The following NFATC1 variants were observed in gnomAD, a reference collection of about 807,000 sequenced individuals.
NFATC1 encodes nuclear factor of activated T cells 1, also known as nuclear factor of activated T-cells, cytoplasmic 1.
A neutral mutation model predicts 76.0 loss-of-function variants in NFATC1; 22 were observed. The ratio of observed to expected loss-of-function variants is 0.29; its 90% CI spans 0.21 to 0.41. The LOEUF is 0.41. NFATC1 is among the 10% of genes least tolerant of loss of function. The pLI is 1.00. For synonymous variants in NFATC1, 704 were observed against 613.1 expected (o/e 1.15, Z -2.19); for missense variants, 1,357 against 1,337.7 (o/e 1.01, Z -0.23).
chr18:79,509,886 G>A (rs575920868), intron 9 of NFATC1, among the ~76,000 whole-genome samples: 27 of 152,302 alleles, frequency 1.8e-4, no homozygotes, highest in Non-Finnish European at 2.9e-4. Context: ...AAGACTTATC[G>A]GAAAGTGTCC....
intron 9 of NFATC1, chr18:79,497,864 C>T (rs552514756): frequency 6.6e-6 from 1 of 152,202 alleles, no homozygotes; most frequent in East Asian, 1.9e-4. Context: ...CCATTAAACT[C>T]TGCTAACCAG....
At position 79,410,739 on chromosome 18, in the gene NFATC1, C is replaced by T. The variant is rs1270862883; in HGVS notation, c.464C>T (p.Ala155Val). The change falls in exon 2 of 10, where the codon GCC becomes GTC. Residue 155 changes from alanine (A) to valine (V), a missense_variant. Transcript: ENST00000427363. This position sits in a 1 kb window ranked among gnomAD's most constrained non-coding sequence, Gnocchi z 6.7. ...LPSSKRSPST[A>V]TLSLPSLEAY... ...AGCTCCAAACGGTCCCCCTCCACGG[C>T]CACGCTGAGTCTGCCCAGCCTGGAG... The T allele has an allele frequency of 2.5e-6, 4 of 1,612,928 alleles. No individual in the cohort carries two copies. The highest frequency in any genetic ancestry group is 3.4e-6 in the Non-Finnish European group (4 of 1,180,008).
intron 1 of NFATC1, among the ~76,000 whole-genome samples, chr18:79,399,554 AGCAGCCCG>A (rs1568906255): frequency 6.6e-6 from 1 of 152,256 alleles, no homozygotes; most frequent in Non-Finnish European, 1.5e-5. Context: ...GCCTCAGCTA[AGCAGCCCG>A]GCTTTCCGGA....
chr18:79,474,781 G>A (rs1201958178), intron 8 of NFATC1, among the ~76,000 whole-genome samples: 1 of 148,820 alleles, frequency 6.7e-6, no homozygotes, highest in Non-Finnish European at 1.5e-5. Flanking sequence ...TGTCGACGTT[G>A]CGAGGGAAGC....
chr18:79,463,475 A>G (rs8098218), intron 7 of NFATC1, among the ~76,000 whole-genome samples: 10,359 of 115,076 alleles, frequency 0.09, 1,299 homozygotes, highest in African/African-American at 0.27. Context: ...TCTCCTCCCC[A>G]CAGCCCGTTC....
chr18:79,464,682 G>GTATATA lies in NFATC1; in HGVS notation c.1960-2760_1960-2755dup, dbSNP rs749147876. ...TGTGTGTGTGTGTGTATATGTATGT[G>GTATATA]TATATATATATATTTATTTATTTAT... On this transcript the variant is annotated intron_variant, in intron 7 of 9. Coordinates refer to ENST00000427363, the MANE Select transcript of NFATC1 (RefSeq NM_001278669.2). 4.2e-3 allele frequency among the ~76,000 whole-genome samples: 427 copies of GTATATA among 100,768 alleles called. 7 individuals are homozygous for GTATATA. Among genetic ancestry groups the GTATATA allele is most frequent in the African/African-American group, 0.018 (402 of 21,790 alleles). The allele number at this position is 100,768 out of a possible 152,430, so 66.1% of individuals were successfully genotyped here. A position where few individuals can be genotyped will look rare whatever the true frequency, so the allele number is the denominator to read the frequency against.
rs1296470047 is a variant in NFATC1, at chr18:79,410,038, G to C, written c.128-365G>C. 1 of 602,220 alleles carries C rather than the reference G, an allele frequency of 1.7e-6. No individual in the cohort carries two copies. The highest frequency in any genetic ancestry group is 1.4e-5 in the South Asian group (1 of 71,604). 37.3% of individuals were successfully genotyped at this position (602,220 alleles called of 1,614,324 possible). A position where few individuals can be genotyped will look rare whatever the true frequency, so the allele number is the denominator to read the frequency against. On this transcript the variant is annotated intron_variant, in intron 1 of 9. Coordinates refer to ENST00000427363, the MANE Select transcript of NFATC1 (RefSeq NM_001278669.2). This position sits in a 1 kb window ranked among gnomAD's most constrained non-coding sequence, Gnocchi z 6.7. ...CGTGAGGACCCAGTCGCCTCTCTCT[G>C]GGAAGGACGTTCGGATGAAGATGGG... is the stretch of plus-strand genomic sequence containing the variant.
intron 9 of NFATC1, among the ~76,000 whole-genome samples, chr18:79,507,687 A>G (rs1660142): frequency 0.73 from 110,963 of 151,848 alleles, 41,115 homozygotes; most frequent in Non-Finnish European, 0.79. Context: ...AAAGGACACC[A>G]GGCTTCTGCA....
chr18:79,425,047 GTCTCTGTTTCTC>G (rs148023395), intron 2 of NFATC1, among the ~76,000 whole-genome samples: 44,297 of 136,882 alleles, frequency 0.32, 8,003 homozygotes, highest in African/African-American at 0.53. Flanking sequence ...CTCTCTCTCC[GTCTCTGTTTCTC>G]TCTCTGTTTC....
intron 6 of NFATC1, among the ~76,000 whole-genome samples, chr18:79,460,897 C>T (rs1335773120): frequency 1.3e-5 from 2 of 152,186 alleles, no homozygotes; most frequent in Non-Finnish European, 2.9e-5. Context: ...TGATGGGGTA[C>T]CTGCTCCCCC....
intron 2 of NFATC1, among the ~76,000 whole-genome samples, chr18:79,430,699 A>G (rs1285075885): frequency 6.6e-6 from 1 of 152,068 alleles, no homozygotes; most frequent in Non-Finnish European, 1.5e-5. Context: ...TTTGTTTTTC[A>G]TTTGTTTCTT....
chr18:79,451,716 G>C lies in NFATC1; in HGVS notation c.1803G>C (p.Gln601His), dbSNP rs1385153065. The C allele has an allele frequency of 1.2e-6, 2 of 1,612,788 alleles. No individual in the cohort carries two copies. Among genetic ancestry groups the C allele is most frequent in the African/African-American group, 2.7e-5 (2 of 74,884 alleles). ...SAQELPLVEK[Q>H]STDSYPVVGG... ...AGGAGCTGCCTCTGGTGGAGAAGCA[G>C]AGCACGGACAGCTATCCGGTCGTGG... is the stretch of plus-strand genomic sequence containing the variant. The change falls in exon 6 of 10, where the codon CAG becomes CAC. Residue 601 changes from glutamine to histidine, a missense_variant. Coordinates refer to ENST00000427363, the MANE Select transcript of NFATC1 (RefSeq NM_001278669.2).
At chr18:79,522,160 T>TGGG (rs1287993360) in intron 9 of NFATC1, among the ~76,000 whole-genome samples, 1 of 16,276 alleles carries the variant, frequency 6.1e-5, no homozygotes, top group African/African-American at 3.6e-4. Context: ...TCTGTGTGTG[T>TGGG]GTGGGGGGGT....
At chr18:79,422,728 T>G (rs746387820) in intron 2 of NFATC1, 3 of 152,288 alleles carry the variant, frequency 2.0e-5, no homozygotes, top group Non-Finnish European at 2.9e-5. Flanking sequence ...GGGCTCCTTT[T>G]GCTTCCCAAG....
chr18:79,527,001 A>AT (rs1220154415), intron 9 of NFATC1: 1 of 153,370 alleles, frequency 6.5e-6, no homozygotes, highest in Non-Finnish European at 1.5e-5. Flanking sequence ...GCGGGGATGC[A>AT]TGCAGCTCAC....
intron 8 of NFATC1, among the ~76,000 whole-genome samples, chr18:79,479,125 C>T (rs1259905048): frequency 3.3e-5 from 5 of 152,256 alleles, no homozygotes; most frequent in African/African-American, 1.2e-4. Flanking sequence ...ACACTCTGCT[C>T]TTTGTAACGA....
rs1055831618 is a variant in NFATC1 at position 79,432,385 on chromosome 18, G to A, written c.1227-1194G>A. Among the ~76,000 whole-genome samples the A allele has an allele frequency of 2.0e-5, 3 of 152,372 alleles. No individual in the cohort carries two copies. In the South Asian group the frequency reaches 6.2e-4, roughly 32 times the overall value. On this transcript the variant is annotated intron_variant, in intron 2 of 9. Transcript: ENST00000427363. ...TGCCCACACGGAGGTGAGGACGGTC[G>A]GCGGGCCCTGGGTCTCTGGCCACAT...
At chr18:79,476,464 C>T (rs568374895) in intron 8 of NFATC1, among the ~76,000 whole-genome samples, 8 of 152,212 alleles carry the variant, frequency 5.3e-5, no homozygotes, top group Non-Finnish European at 1.2e-4. Context: ...GCAACAGATC[C>T]CACCTCACTG....
intron 2 of NFATC1, among the ~76,000 whole-genome samples, chr18:79,425,913 C>A (rs1343288467): frequency 2.0e-5 from 3 of 152,182 alleles, no homozygotes; most frequent in Non-Finnish European, 4.4e-5. Context: ...ACAGATAAAC[C>A]ACGATAAATG....
Sources: gnomAD v4.1 joint callset for allele counts (sites outside exome capture counted in the v4.1 genomes callset) on GRCh38, gnomAD v4.1.1 for gene constraint, Gnocchi (gnomAD v3.1) non-coding constraint, MANE v1.5 for transcripts, NCBI Gene and HGNC (gene_info 2026-07-23, HGNC 2026-07-21) for gene names.